SMUG1: variants seen among roughly 807,000 people sequenced by gnomAD.
The protein encoded by SMUG1 is single-strand-selective monofunctional uracil-DNA glycosylase 1.
A neutral mutation model predicts 23.9 loss-of-function variants in SMUG1; 13 were observed. The ratio of observed to expected loss-of-function variants is 0.54; its 90% CI spans 0.35 to 0.86. The LOEUF is 0.86. SMUG1 is among the 40% of genes least tolerant of loss of function. The pLI is 0.01. For synonymous variants in SMUG1, 133 were observed against 139.8 expected, an observed-to-expected ratio of 0.95 and a Z score of 0.34; for missense variants, 313 against 339.5, an observed-to-expected ratio of 0.92 and a Z score of 0.61.
chr12:54,161,497 G>A (rs929284027), downstream of SMUG1, among the ~76,000 whole-genome samples: 1 of 152,124 alleles, frequency 6.6e-6, no homozygotes, highest in Non-Finnish European at 1.5e-5. This position sits in a 1 kb window ranked among gnomAD's most constrained non-coding sequence, Gnocchi z 4.2. Context: ...CTTGCAGGAT[G>A]CTCAACAGAG....
chr12:54,181,190 T>C lies in SMUG1; in HGVS notation c.*906A>G, dbSNP rs1320601259. The stretch of plus-strand genomic sequence containing the variant: ...AGTGAAAAAAAATCACAGGCTAGTT[T>C]TTTCATAGTCATTGATCCATCTCTG... On this transcript the variant is annotated 3_prime_UTR_variant, in exon 4 of 4. Coordinates refer to ENST00000682136, the MANE Select transcript of SMUG1 (RefSeq NM_001243787.2). 1.5e-5 allele frequency: 3 copies of C among 205,970 alleles called. No individual in the cohort carries two copies. The highest frequency in any genetic ancestry group is 6.9e-5 in the African/African-American group (3 of 43,620). 12.8% of individuals were successfully genotyped at this position (205,970 alleles called of 1,614,324 possible). A position where few individuals can be genotyped will look rare whatever the true frequency, so the allele number is the denominator to read the frequency against.
intron 2 of SMUG1, among the ~76,000 whole-genome samples, chr12:54,186,485 G>A (rs1942503251): frequency 6.6e-6 from 1 of 152,074 alleles, no homozygotes; most frequent in African/African-American, 2.4e-5. Flanking sequence ...GGGATTACAG[G>A]TGCGCAGCAC....
chr12:54,184,993 G>A (rs78001567), intron 2 of SMUG1, among the ~76,000 whole-genome samples: 9 of 152,028 alleles, frequency 5.9e-5, no homozygotes, highest in South Asian at 2.1e-4. Flanking sequence ...GCGAAACCCC[G>A]TCTCTACTAA....
intron 2 of SMUG1, among the ~76,000 whole-genome samples, chr12:54,173,693 G>A (rs1242858883): frequency 6.0e-5 from 7 of 116,956 alleles, no homozygotes; most frequent in African/African-American, 1.6e-4. Flanking sequence ...CGCTCCGCAC[G>A]CCCGGGCTGC....
chr12:54,182,679 C>G (rs1941391767), intron 3 of SMUG1, 56 bp from the exon 4 acceptor site: 2 of 1,548,118 alleles, frequency 1.3e-6, no homozygotes, highest in African/African-American at 2.8e-5. Context: ...GAGGCCCGGG[C>G]TCTGGACCAA....
chr12:54,179,909 A>G (rs1345574523), downstream of SMUG1, among the ~76,000 whole-genome samples: 2 of 152,242 alleles, frequency 1.3e-5, no homozygotes, highest in Non-Finnish European at 2.9e-5. Context: ...TCCCAGGCAC[A>G]GATGTGTGCC....
chr12:54,165,638 C>G (rs2136533237), intron 3 of SMUG1, among the ~76,000 whole-genome samples: 1 of 152,312 alleles, frequency 6.6e-6, no homozygotes, highest in Middle Eastern at 3.4e-3. Context: ...TGCCACTACA[C>G]TGTAGCCTGG....
downstream of SMUG1, among the ~76,000 whole-genome samples, chr12:54,175,965 G>A (rs1271349522): frequency 6.6e-6 from 1 of 152,194 alleles, no homozygotes; most frequent in Non-Finnish European, 1.5e-5. Context: ...AGTGGCTCAC[G>A]CCTGTAATCC....
chr12:54,159,291 G>C (rs919980572), intron 4 of SMUG1, among the ~76,000 whole-genome samples: 1 of 152,220 alleles, frequency 6.6e-6, no homozygotes. Context: ...GAGCTGAGCA[G>C]CTGCATCCAT....
intron 3 of SMUG1, among the ~76,000 whole-genome samples, chr12:54,170,594 T>C (rs1940592039): frequency 6.6e-6 from 1 of 152,122 alleles, no homozygotes; most frequent in Non-Finnish European, 1.5e-5. Flanking sequence ...TCCACAACTT[T>C]TTTTAGTTTT....
At chr12:54,167,680 T>C (rs1940514977) in intron 3 of SMUG1, among the ~76,000 whole-genome samples, 1 of 152,194 alleles carries the variant, frequency 6.6e-6, no homozygotes, top group Non-Finnish European at 1.5e-5. Flanking sequence ...ACTGAACTCC[T>C]ACAGCTTTTC....
chr12:54,170,491 GC>G (rs1430115080), intron 3 of SMUG1, among the ~76,000 whole-genome samples: 1 of 152,162 alleles, frequency 6.6e-6, no homozygotes. Context: ...CACCAGGGCA[GC>G]TGGGAATGAA....
chr12:54,175,457 G>A (rs924881801), downstream of SMUG1, among the ~76,000 whole-genome samples: 1 of 152,178 alleles, frequency 6.6e-6, no homozygotes, highest in African/African-American at 2.4e-5. Flanking sequence ...CCTTGCAGTT[G>A]GGGCTGAGAA....
downstream of SMUG1, among the ~76,000 whole-genome samples, chr12:54,160,195 G>GAAAA (rs1393776506): frequency 6.6e-6 from 1 of 152,240 alleles, no homozygotes; most frequent in Non-Finnish European, 1.5e-5. Context: ...GAAAAGAGGA[G>GAAAA]GGGTGGCTCT....
intron 3 of SMUG1, among the ~76,000 whole-genome samples, chr12:54,171,190 G>C (rs1940605900): frequency 6.7e-6 from 1 of 149,726 alleles, no homozygotes; most frequent in South Asian, 2.1e-4. Context: ...CAGTAGAGAT[G>C]GAGTTTCGCA....
intron 1 of SMUG1, among the ~76,000 whole-genome samples, chr12:54,188,282 T>TAATAATA (rs1942950504): frequency 3.4e-5 from 1 of 29,818 alleles, no homozygotes; most frequent in African/African-American, 9.8e-5. Context: ...ATAATAATAA[T>TAATAATA]AATAATAATA....
intron 2 of SMUG1, among the ~76,000 whole-genome samples, chr12:54,185,994 C>T (rs1033885882): frequency 5.3e-5 from 8 of 152,146 alleles, no homozygotes; most frequent in African/African-American, 1.9e-4. Flanking sequence ...CACTCCACTC[C>T]CATTCAAACC....
intron 3 of SMUG1, among the ~76,000 whole-genome samples, chr12:54,171,057 G>A (rs1178271222): frequency 2.7e-5 from 4 of 150,020 alleles, no homozygotes; most frequent in South Asian, 2.1e-4. Flanking sequence ...GTGCAGAGTC[G>A]TGATCTTGGC....
At chr12:54,170,817 G>A (rs563237664) in intron 3 of SMUG1, among the ~76,000 whole-genome samples, 7 of 152,144 alleles carry the variant, frequency 4.6e-5, no homozygotes, top group East Asian at 3.9e-4. Context: ...GGCTGGTCTC[G>A]AAGTCCTGGG....
Sources: allele counts gnomAD v4.1 joint callset (sites outside exome capture counted in the v4.1 genomes callset), GRCh38; gene constraint gnomAD v4.1.1; non-coding constraint Gnocchi (gnomAD v3.1); transcripts MANE v1.5; gene names NCBI Gene and HGNC (gene_info 2026-07-23, HGNC 2026-07-21).